Variants in CARD8 observed in about 807,000 individuals in gnomAD.
CARD8 encodes caspase recruitment domain-containing protein 8.
In CARD8, 38 loss-of-function variants were observed where a neutral mutation model predicts 53.2. The observed-to-expected ratio is 0.71, with a 90% CI of 0.55 to 0.94. The LOEUF is 0.94. CARD8 is among the 40% of genes least tolerant of loss of function. The pLI is 0.00. For synonymous variants in CARD8, 245 were observed against 244.9 expected, an observed-to-expected ratio of 1.00 and a Z score of 0.00; for missense variants, 561 against 655.5, an observed-to-expected ratio of 0.86 and a Z score of 1.57.
intron 3 of CARD8, among the ~76,000 whole-genome samples, chr19:48,246,841 T>C (rs1287743034): frequency 6.6e-6 from 1 of 152,234 alleles, no homozygotes; most frequent in Non-Finnish European, 1.5e-5. Context: ...GACATTCTGA[T>C]ATTGCTGATG....
chr19:48,207,732 C>CTGTTTTTTTTTTTTTTTTT (rs2037426307), downstream of CARD8, among the ~76,000 whole-genome samples: 3 of 91,278 alleles, frequency 3.3e-5, no homozygotes, highest in African/African-American at 4.4e-5. Flanking sequence ...TGTTGTTTTT[C>CTGTTTTTTTTTTTTTTTTT]TGTTTTTTTT....
At chr19:48,221,997 T>C (rs751266811) in intron 10 of CARD8, 142 bp from the exon 11 acceptor site, 44 of 546,018 alleles carry the variant, frequency 8.1e-5, no homozygotes, top group Non-Finnish European at 1.2e-4. Context: ...TCAACTGATA[T>C]AAAGATTGTG....
At chr19:48,221,703 G>T in intron 11 of CARD8, 27 bp downstream of exon 11, 1 of 1,491,972 alleles carries the variant, frequency 6.7e-7, no homozygotes, top group Non-Finnish European at 9.1e-7. Flanking sequence ...TCTGAAACCT[G>T]CTGAGTTGGG....
rs761116872 is a variant in CARD8, at chr19:48,230,610, T to C, written c.863A>G (p.Tyr288Cys). 84 of 1,613,996 alleles carry C rather than the reference T, an allele frequency of 5.2e-5. No individual in the cohort carries two copies. Among genetic ancestry groups the C allele is most frequent in the Admixed American group, 3.3e-4 (20 of 59,994 alleles). ...GAAGCTGGGGCTTTCCAGGACAGCA[T>C]AGAAAGGCTCCACCCGGGCTGGATG... ...LEHPARVEPF[Y>C]AVLESPSFSL... Residue 288 changes from tyrosine (Y) to cysteine (C), a missense_variant, in exon 10 of 14, where the codon TAT becomes TGT. Physicochemically the swap from Tyr to Cys is radical, Grantham distance 194. Transcript: ENST00000651546.
intron 13 of CARD8, chr19:48,213,186 T>G (rs1337641853): frequency 6.6e-6 from 1 of 152,204 alleles, no homozygotes; most frequent in Non-Finnish European, 1.5e-5. Flanking sequence ...AAGTTGGACT[T>G]TCTGTCATTT....
chr19:48,255,211 A>T (rs1966948821), intron 1 of CARD8, among the ~76,000 whole-genome samples: 1 of 152,116 alleles, frequency 6.6e-6, no homozygotes, highest in Admixed American at 6.6e-5. Flanking sequence ...ACTAAAAAAT[A>T]AAAAATTAGC....
Position 48,238,449 on chromosome 19 carries a change from A to G in CARD8, c.143T>C (p.Ile48Thr), listed in dbSNP as rs1209856697. ...GSRKLLVDNS[I>T]RELQYTKTGI... ...AGTTTTTGTGTATTGCAGTTCCCGT[A>G]TGCTATTGTCAACCAACAGTTTCCG... Residue 48 changes from isoleucine (I) to threonine (T), a missense_variant, in exon 5 of 14, where the codon ATA (isoleucine) becomes ACA (threonine). Coordinates refer to ENST00000651546, the MANE Select transcript of CARD8 (RefSeq NM_001184900.3). 6 of 1,536,182 alleles carry G rather than the reference A, an allele frequency of 3.9e-6. No homozygotes were observed. The Admixed American group carries it at 9.8e-5, about 25-fold the overall frequency.
chr19:48,218,615 A>C (rs771998236), intron 12 of CARD8, among the ~76,000 whole-genome samples: 1 of 151,848 alleles, frequency 6.6e-6, no homozygotes, highest in Non-Finnish European at 1.5e-5. Context: ...CGGCCTCCCA[A>C]AGTTCTGGGT....
Position 48,240,884 on chromosome 19 carries a change from C to A in CARD8, c.59+78G>T. On this transcript the variant is annotated intron_variant, in intron 4 of 13. Coordinates refer to ENST00000651546, the MANE Select transcript of CARD8 (RefSeq NM_001184900.3). ...CTTTCTTCCAGAAAACATCCATGGT[C>A]CTCTGTATCTCATGAACTATAACGA... is the stretch of plus-strand genomic sequence containing the variant. The A allele has an allele frequency of 8.2e-6, 9 of 1,103,258 alleles. No homozygotes were observed. The South Asian group carries it at 1.2e-4, about 15-fold the overall frequency. 68.3% of individuals were successfully genotyped at this position (1,103,258 alleles called of 1,614,324 possible).
chr19:48,250,357 T>C (rs1456726591), intron 1 of CARD8, among the ~76,000 whole-genome samples: 1 of 152,226 alleles, frequency 6.6e-6, no homozygotes, highest in Non-Finnish European at 1.5e-5. Flanking sequence ...GCAGCATTCC[T>C]TGCAGAAATA....
At chr19:48,243,768 T>C (rs1600654476) in intron 3 of CARD8, among the ~76,000 whole-genome samples, 1 of 152,210 alleles carries the variant, frequency 6.6e-6, no homozygotes, top group African/African-American at 2.4e-5. Context: ...ACAGGATCCC[T>C]TGATCCCAGG....
At chr19:48,220,576 C>G (rs76979756) in intron 11 of CARD8, among the ~76,000 whole-genome samples, 3,835 of 152,194 alleles carry the variant, frequency 0.025, 146 homozygotes, top group African/African-American at 0.087. Flanking sequence ...TGCTGGACAA[C>G]CTCATCTTTA....
At chr19:48,232,633 T>A in intron 6 of CARD8, 140 bp from the exon 7 acceptor site, 1 of 773,266 alleles carries the variant, frequency 1.3e-6, no homozygotes, top group East Asian at 2.7e-5. Context: ...TTTAAATTTG[T>A]ATGAATTAAA....
intron 5 of CARD8, chr19:48,238,147 T>C: frequency 1.8e-6 from 1 of 562,928 alleles, no homozygotes. Context: ...TGCCCTCGCC[T>C]CCCAGTGTGC....
At chr19:48,212,738 T>C (rs1036921990) in intron 13 of CARD8, among the ~76,000 whole-genome samples, 6 of 152,262 alleles carry the variant, frequency 3.9e-5, no homozygotes, top group African/African-American at 1.4e-4. Context: ...AAGCCTTTTG[T>C]TGGTGCTGCT....
At chr19:48,246,077 GTTA>G (rs1422575182) in intron 3 of CARD8, among the ~76,000 whole-genome samples, 1 of 152,036 alleles carries the variant, frequency 6.6e-6, no homozygotes, top group Admixed American at 6.6e-5. Context: ...GCACTTACTT[GTTA>G]TCCCTCCTTA....
Position 48,230,470 on chromosome 19 carries a change from AC to A in CARD8, c.1002del (p.Leu334PhefsTer10), listed in dbSNP as rs767035959. 1.2e-6 allele frequency: 2 copies of A among 1,613,458 alleles called. No individual in the cohort carries two copies. The highest frequency in any genetic ancestry group is 1.7e-6 in the Non-Finnish European group (2 of 1,179,558). On this transcript the variant is annotated frameshift_variant, in exon 10 of 14. Transcript: ENST00000651546. LOFTEE classifies it high-confidence loss of function. Reference protein sequence around the residue: ...HPHPEDIKFHLYLVPSDALLT... With the variant: ...HPHPEDIKFHXYLVPSDALLT... ...AGCAAGGCGTCGCTGGGGACAAGGT[AC>A]AAGTGGAACTTAATATCTTCGGGGT...
At position 48,221,844 on chromosome 19, in the gene CARD8, A is replaced by T; in HGVS notation, c.1047T>A (p.Asp349Glu). The change falls in exon 11 of 14, where the codon GAT (aspartate) becomes GAA (glutamate). Residue 349 changes from aspartate to glutamate, a missense_variant. Physicochemically the swap from Asp to Glu is conservative, Grantham distance 45 (BLOSUM62 2). Coordinates refer to ENST00000651546, the MANE Select transcript of CARD8 (RefSeq NM_001184900.3). ...SDALLTKAID[D>E]EEDRFHGVRL... ...GCACACCATGGAAGCGATCTTCCTC[A>T]TCATCTATCGCCTAAGGAAGAAGGG... The T allele has an allele frequency of 6.2e-7, 1 of 1,601,710 alleles. No individual in the cohort carries two copies.
At chr19:48,212,198 C>T (rs551898633) in intron 13 of CARD8, among the ~76,000 whole-genome samples, 5 of 152,328 alleles carry the variant, frequency 3.3e-5, no homozygotes, top group Non-Finnish European at 5.9e-5. Context: ...CAGTCCTACT[C>T]CTCTCATCCA....
Sources: allele counts gnomAD v4.1 joint callset (sites outside exome capture counted in the v4.1 genomes callset), GRCh38; gene constraint gnomAD v4.1.1; transcripts MANE v1.5; gene names NCBI Gene and HGNC (gene_info 2026-07-23, HGNC 2026-07-21).